CACNA1G: variants seen among roughly 807,000 people sequenced by gnomAD.
The protein encoded by CACNA1G is voltage-dependent T-type calcium channel subunit alpha-1G.
Under a neutral mutation model 219.4 loss-of-function variants are expected in CACNA1G, and 67 were observed. That is an observed-to-expected ratio of 0.31 (90% CI 0.25 to 0.37). CACNA1G has a LOEUF of 0.37. Among genes scored for constraint, CACNA1G ranks in the 10% least tolerant of loss-of-function variants. The pLI is 1.00. For missense variants in CACNA1G, 2,380 were observed against 3,231.4 expected (o/e 0.74, Z 6.39); for synonymous variants, 1,296 against 1,345.3 (o/e 0.96, Z 0.80).
In CACNA1G at chr17:50,573,084, A is replaced by G; in HGVS notation, c.1111A>G (p.Asn371Asp). 2 of 1,575,106 alleles carry G rather than the reference A, an allele frequency of 1.3e-6. No homozygotes were observed. Among genetic ancestry groups the G allele is most frequent in the Non-Finnish European group, 1.7e-6 (2 of 1,159,220 alleles). ...YFVMDAHSFY[N>D]FIYFILLIIV... Reference sequence around the variant, plus strand: ...TGTGATGGATGCTCATTCCTTCTACAATTTCATCTACTTCATCCTCCTCAT... The same window carrying G: ...TGTGATGGATGCTCATTCCTTCTACGATTTCATCTACTTCATCCTCCTCAT... The change falls in exon 7 of 38, where the codon AAT becomes GAT. Residue 371 changes from asparagine (N) to aspartate (D), a missense_variant. Asn to Asp is a conservative substitution (Grantham distance 23). Coordinates refer to ENST00000359106, the MANE Select transcript of CACNA1G (RefSeq NM_018896.5).
intron 13 of CACNA1G, among the ~76,000 whole-genome samples, chr17:50,592,632 G>A (rs1318924304): frequency 1.3e-5 from 2 of 152,168 alleles, no homozygotes; most frequent in East Asian, 1.9e-4. Flanking sequence ...CATCACCTTC[G>A]TCACAGGCAG....
Position 50,621,591 on chromosome 17 carries a change from T to TGTGTGCGTGTGCACGCGC in CACNA1G, c.5926-61_5926-44dup, listed in dbSNP as rs1312419319. 4.5e-6 allele frequency: 7 copies of TGTGTGCGTGTGCACGCGC among 1,551,954 alleles called. No individual in the cohort carries two copies. Among genetic ancestry groups the TGTGTGCGTGTGCACGCGC allele is most frequent in the Non-Finnish European group, 6.2e-6 (7 of 1,133,070 alleles). On this transcript the variant is annotated intron_variant, in intron 34 of 37. Coordinates refer to ENST00000359106, the MANE Select transcript of CACNA1G (RefSeq NM_018896.5). The surrounding 1 kb of genome is among the most constrained non-coding windows in gnomAD (Gnocchi z 4.6). The stretch of plus-strand genomic sequence containing the variant: ...GAAGTGGGGACTGAGAGAGAGCGCG[T>TGTGTGCGTGTGCACGCGC]GTGTGCGTGTGCACGCGCGTGTGCG...
At chr17:50,577,637 G>A (rs781699727) in intron 8 of CACNA1G, among the ~76,000 whole-genome samples, 6 of 151,844 alleles carry the variant, frequency 4.0e-5, no homozygotes, top group South Asian at 2.1e-4. Context: ...CATATGTGCC[G>A]TGTGTGAATG....
At chr17:50,595,350 C>T (rs2045309126) in intron 14 of CACNA1G, among the ~76,000 whole-genome samples, 1 of 152,228 alleles carries the variant, frequency 6.6e-6, no homozygotes, top group South Asian at 2.1e-4. Flanking sequence ...TTAGAATCCT[C>T]TGTGTGCACG....
rs189659937 is a variant in CACNA1G at position 50,603,050 on chromosome 17, G to C, written c.4020G>C (p.Ala1340=). 109 of 1,613,308 alleles carry C rather than the reference G, an allele frequency of 6.8e-5. No individual in the cohort carries two copies. In the African/African-American group the frequency reaches 1.3e-3, roughly 20 times the overall value. The change falls in exon 21 of 38, where the codon GCG becomes GCC. Residue 1340 remains alanine (A), a synonymous_variant. Coordinates refer to ENST00000359106, the MANE Select transcript of CACNA1G (RefSeq NM_018896.5). The surrounding 1 kb of genome is among the most constrained non-coding windows in gnomAD (Gnocchi z 6.4). ...VALGWCFGEQ[A]YLRSSWNVLD... ...TGGGCTGGTGCTTCGGGGAGCAGGCGTACCTGCGGAGCAGTTGGAACGTGC... is the reference window on the plus strand; with the variant it reads ...TGGGCTGGTGCTTCGGGGAGCAGGCCTACCTGCGGAGCAGTTGGAACGTGC...
Position 50,618,705 on chromosome 17 carries a change from C to T in CACNA1G, c.5478C>T (p.Ile1826=). Residue 1826 remains isoleucine, a synonymous_variant, in exon 33 of 38, where the codon ATC becomes ATT. Transcript: ENST00000359106. This position sits in a 1 kb window ranked among gnomAD's most constrained non-coding sequence, Gnocchi z 5.3. Reference sequence around the variant, plus strand: ...AGTCCACCTGCTACAACACGGTCATCTCGCCTATCTACTTTGTGTCCTTCG... The same window carrying T: ...AGTCCACCTGCTACAACACGGTCATTTCGCCTATCTACTTTGTGTCCTTCG... ...DQESTCYNTV[I]SPIYFVSFVL... The T allele has an allele frequency of 6.2e-7, 1 of 1,614,014 alleles. No homozygotes were observed. Among genetic ancestry groups the T allele is most frequent in the Non-Finnish European group, 8.5e-7 (1 of 1,179,882 alleles).
chr17:50,614,956 C>T (rs1381176667), intron 26 of CACNA1G, among the ~76,000 whole-genome samples: 1 of 152,234 alleles, frequency 6.6e-6, no homozygotes, highest in Non-Finnish European at 1.5e-5. Flanking sequence ...AAGCCTTTGC[C>T]TCCCCGTTGA....
At chr17:50,589,912 C>CTGTGTGTGTGTGTGTGTGTGTGTGTG (rs58484176) in intron 9 of CACNA1G, among the ~76,000 whole-genome samples, 3 of 141,836 alleles carry the variant, frequency 2.1e-5, no homozygotes, top group Admixed American at 6.9e-5. Context: ...CTCTCTCTCT[C>CTGTGTGTGTGTGTGTGTGTGTGTGTG]TGTGTGTGTG....
chr17:50,621,661 T>C lies in CACNA1G; in HGVS notation c.5927T>C (p.Ile1976Thr), dbSNP rs867887948. ...CTGATCATCTCTCTCCCTGTCTAGATCCCTCTAGCTGAGATGGAGGCTCTG... is the reference window on the plus strand; with the variant it reads ...CTGATCATCTCTCTCCCTGTCTAGACCCCTCTAGCTGAGATGGAGGCTCTG... ...APSLGGSDPQ[I>T]PLAEMEALSL... Residue 1976 changes from isoleucine (I) to threonine (T), a missense_variant and splice_region_variant, in exon 35 of 38, where the codon ATC becomes ACC. Around this residue, in one of 17 missense-constraint regions of CACNA1G, gnomAD observed 672 missense variants for 670.5 expected, o/e 1.00. Coordinates refer to ENST00000359106, the MANE Select transcript of CACNA1G (RefSeq NM_018896.5). This position sits in a 1 kb window ranked among gnomAD's most constrained non-coding sequence, Gnocchi z 4.6. 6.2e-7 allele frequency: 1 copy of C among 1,613,778 alleles called. No homozygotes were observed. Among genetic ancestry groups the C allele is most frequent in the African/African-American group, 1.3e-5 (1 of 74,936 alleles).
chr17:50,606,383 C>T (rs2047972676), intron 23 of CACNA1G: 4 of 555,396 alleles, frequency 7.2e-6, no homozygotes, highest in South Asian at 2.1e-5. Context: ...CCATTGTCAG[C>T]TCAATGACCT....
At chr17:50,568,760 G>A (rs1490059183) in intron 1 of CACNA1G, 110 bp from the exon 2 acceptor site, 16 of 823,820 alleles carry the variant, frequency 1.9e-5, no homozygotes, top group African/African-American at 3.4e-5. Flanking sequence ...CACCACACCT[G>A]CTTAGCCTCA....
rs2050921194 is a variant in CACNA1G, at chr17:50,617,919, C to T, written c.5216C>T (p.Ala1739Val). 1 of 1,613,602 alleles carries T rather than the reference C, an allele frequency of 6.2e-7. No individual in the cohort carries two copies. The highest frequency in any genetic ancestry group is 1.3e-5 in the African/African-American group (1 of 74,928). The change falls in exon 30 of 38, where the codon GCC (alanine) becomes GTC (valine). Residue 1739 changes from alanine to valine, a missense_variant. Coordinates refer to ENST00000359106, the MANE Select transcript of CACNA1G (RefSeq NM_018896.5). This position sits in a 1 kb window ranked among gnomAD's most constrained non-coding sequence, Gnocchi z 5.8. Reference protein sequence around the residue: ...MRALLDTVMQALPQVGNLGLL... With the variant: ...MRALLDTVMQVLPQVGNLGLL... ...GCGCTGCTGGACACGGTGATGCAGG[C>T]CCTGCCCCAGGTAGCCGGGAGGTGG...
chr17:50,581,346 G>A (rs1417040921), intron 9 of CACNA1G, among the ~76,000 whole-genome samples: 4 of 151,960 alleles, frequency 2.6e-5, no homozygotes, highest in Admixed American at 1.3e-4. Context: ...GCTTCCCTGC[G>A]GTGCCCTTAA....
At position 50,603,330 on chromosome 17, in the gene CACNA1G, G is replaced by A. The variant is rs2047171655; in HGVS notation, c.4169+131G>A. 1.3e-6 allele frequency: 1 copy of A among 757,866 alleles called. No individual in the cohort carries two copies. Among genetic ancestry groups the A allele is most frequent in the Admixed American group, 2.5e-5 (1 of 39,450 alleles). 46.9% of individuals were successfully genotyped at this position (757,866 alleles called of 1,614,324 possible). On this transcript the variant is annotated intron_variant, in intron 21 of 37. Transcript: ENST00000359106. This position sits in a 1 kb window ranked among gnomAD's most constrained non-coding sequence, Gnocchi z 6.4. ...CAGCATCCTGTCTGTGACCCCCACAGGCGATCCTGTCCCCGCCCCAGACAA... is the reference window on the plus strand; with the variant it reads ...CAGCATCCTGTCTGTGACCCCCACAAGCGATCCTGTCCCCGCCCCAGACAA...
intron 19 of CACNA1G, among the ~76,000 whole-genome samples, chr17:50,602,554 C>G (rs898254260): frequency 3.3e-5 from 5 of 152,232 alleles, no homozygotes; most frequent in African/African-American, 1.2e-4. Context: ...TGCAGATCCT[C>G]TCCCCCTTGG....
At chr17:50,604,095 G>A in intron 21 of CACNA1G, 60 bp from the exon 22 acceptor site, 2 of 1,554,860 alleles carry the variant, frequency 1.3e-6, no homozygotes, top group Non-Finnish European at 8.7e-7. Flanking sequence ...GCAGGGTCAA[G>A]GGACAAGGGA....
chr17:50,566,814 C>G (rs2038009669), intron 1 of CACNA1G, among the ~76,000 whole-genome samples: 1 of 152,218 alleles, frequency 6.6e-6, no homozygotes, highest in African/African-American at 2.4e-5. Flanking sequence ...CAGAATGCCC[C>G]TGCCTGTCAG....
At chr17:50,601,911 T>C (rs577894525) in intron 19 of CACNA1G, among the ~76,000 whole-genome samples, 2 of 152,204 alleles carry the variant, frequency 1.3e-5, no homozygotes, top group South Asian at 4.2e-4. Context: ...TCCCACACCA[T>C]TGTTTAGATT....
chr17:50,565,729 C>T (rs539051457), intron 1 of CACNA1G, among the ~76,000 whole-genome samples: 1 of 152,306 alleles, frequency 6.6e-6, no homozygotes, highest in East Asian at 1.9e-4. Flanking sequence ...TTTCCTCACC[C>T]TTGCGGCTGC....
Sources: gnomAD v4.1 joint callset for allele counts (sites outside exome capture counted in the v4.1 genomes callset) on GRCh38, gnomAD v4.1.1 for gene constraint, gnomAD v4.1.1 regional missense constraint, Gnocchi (gnomAD v3.1) non-coding constraint, MANE v1.5 for transcripts, NCBI Gene and HGNC (gene_info 2026-07-23, HGNC 2026-07-21) for gene names.